Variants in ZNF618 observed in about 807,000 individuals in gnomAD.
ZNF618 encodes neural precursor cell expressed, developmentally down-regulated 10.
ZNF618 carries 34 observed loss-of-function variants against 103.0 expected under a neutral mutation model. The observed-to-expected ratio is 0.33, with a 90% CI of 0.25 to 0.44. The LOEUF is 0.44. Among genes scored for constraint, ZNF618 ranks in the 20% least tolerant of loss-of-function variants. The pLI is 1.00. For synonymous variants in ZNF618, 551 were observed against 542.2 expected (o/e 1.02, Z -0.23); for missense variants, 1,059 against 1,295.4 (o/e 0.82, Z 2.80).
In ZNF618 at chr9:114,037,086, A is replaced by C. The variant is rs559002233; in HGVS notation, c.1246+709A>C. Among the ~76,000 whole-genome samples the C allele has an allele frequency of 1.1e-4, 17 of 152,216 alleles. No individual in the cohort carries two copies. The East Asian group carries it at 2.9e-3, about 26-fold the overall frequency. On this transcript the variant is annotated intron_variant, in intron 13 of 14. Coordinates refer to ENST00000374126, the MANE Select transcript of ZNF618 (RefSeq NM_001318042.2). ...GCTCTCTAGGCAGCCTTTTTATTACATTTCACCACGGCATAACACAAGTCT... is the reference window on the plus strand; with the variant it reads ...GCTCTCTAGGCAGCCTTTTTATTACCTTTCACCACGGCATAACACAAGTCT...
chr9:114,050,940 A>G lies in ZNF618; in HGVS notation c.*773A>G, dbSNP rs1846095787. The G allele has an allele frequency of 6.5e-6, 1 of 152,680 alleles. No homozygotes were observed. 9.5% of individuals were successfully genotyped at this position (152,680 alleles called of 1,614,324 possible). ...AGAAACACACCTATCTATCTCCCCA[A>G]ATCAGGAAAGGAGACTTAAAGAGTA... On this transcript the variant is annotated 3_prime_UTR_variant, in exon 15 of 15. Coordinates refer to ENST00000374126, the MANE Select transcript of ZNF618 (RefSeq NM_001318042.2).
At chr9:114,031,257 G>A (rs1000520094) in intron 11 of ZNF618, among the ~76,000 whole-genome samples, 1 of 151,970 alleles carries the variant, frequency 6.6e-6, no homozygotes, top group South Asian at 2.1e-4. Flanking sequence ...TCCCTAGACC[G>A]AGAACAGAGG....
At chr9:113,920,405 ATTT>A (rs35271347) in intron 1 of ZNF618, among the ~76,000 whole-genome samples, 3 of 142,724 alleles carry the variant, frequency 2.1e-5, no homozygotes, top group Non-Finnish European at 4.6e-5. Context: ...CAGAGTCACA[ATTT>A]TTTTTTTTTT....
At chr9:113,910,176 C>T (rs1344095221) in intron 1 of ZNF618, among the ~76,000 whole-genome samples, 4 of 152,156 alleles carry the variant, frequency 2.6e-5, no homozygotes, top group African/African-American at 4.8e-5. Flanking sequence ...GATTTTCCAC[C>T]TCCCCACTTT....
intron 2 of ZNF618, among the ~76,000 whole-genome samples, chr9:113,982,757 A>G (rs1839089504): frequency 6.6e-6 from 1 of 152,146 alleles, no homozygotes; most frequent in Admixed American, 6.5e-5. Flanking sequence ...TTCCAGCCTC[A>G]TGGGTGCATC....
intron 1 of ZNF618, among the ~76,000 whole-genome samples, chr9:113,928,334 A>G (rs1373943981): frequency 6.6e-6 from 1 of 152,130 alleles, no homozygotes; most frequent in East Asian, 1.9e-4. Flanking sequence ...TAATTTTTCC[A>G]TTAGAACCCT....
rs181610420 is a variant in ZNF618 at position 113,968,445 on chromosome 9, G to A, written c.34-672G>A. Among the ~76,000 whole-genome samples the A allele has an allele frequency of 5.0e-3, 764 of 152,158 alleles. 7 individuals carry two copies. The highest frequency in any genetic ancestry group is 0.023 in the South Asian group (110 of 4,816). On this transcript the variant is annotated intron_variant, in intron 1 of 14. Coordinates refer to ENST00000374126, the MANE Select transcript of ZNF618 (RefSeq NM_001318042.2). ...AGTGAAGATCTAGGTATTGTTCCCA[G>A]GTCTGCAACCTCTGTCAGCCTCTGC...
Position 113,884,870 on chromosome 9 carries a change from A to G in ZNF618, c.33+8457A>G, listed in dbSNP as rs1035986632. Reference sequence around the variant, plus strand: ...AGTGACTTACCCAAGACCTCAGTGAACAAGCGGAAGTGGGACTAAAAGCCT... The same window carrying G: ...AGTGACTTACCCAAGACCTCAGTGAGCAAGCGGAAGTGGGACTAAAAGCCT... On this transcript the variant is annotated intron_variant, in intron 1 of 14. Transcript: ENST00000374126. Among the ~76,000 whole-genome samples, 3 of 152,058 alleles carry G rather than the reference A, an allele frequency of 2.0e-5. No homozygotes were observed. The South Asian group carries it at 6.2e-4, about 32-fold the overall frequency.
chr9:114,048,577 G>A, intron 14 of ZNF618, 74 bp from the exon 15 acceptor site: 1 of 1,463,764 alleles, frequency 6.8e-7, no homozygotes, highest in Non-Finnish European at 9.3e-7. Context: ...GATGTTTAGA[G>A]TGTTAGGCTA....
At chr9:113,881,598 CCACATTT>C (rs1376810377) in intron 1 of ZNF618, among the ~76,000 whole-genome samples, 1 of 152,150 alleles carries the variant, frequency 6.6e-6, no homozygotes, top group Non-Finnish European at 1.5e-5. Flanking sequence ...TTCTGACCAG[CCACATTT>C]CACCTGTTCA....
At chr9:113,908,508 T>G (rs1217658687) in intron 1 of ZNF618, among the ~76,000 whole-genome samples, 1 of 152,238 alleles carries the variant, frequency 6.6e-6, no homozygotes, top group Non-Finnish European at 1.5e-5. Flanking sequence ...CATTTTTTTT[T>G]GACCTGAAAG....
At chr9:114,010,459 C>A (rs1156492215) in intron 9 of ZNF618, among the ~76,000 whole-genome samples, 1 of 152,160 alleles carries the variant, frequency 6.6e-6, no homozygotes, top group East Asian at 1.9e-4. Flanking sequence ...GTAATCCTAG[C>A]ACTTTGGGAG....
chr9:114,017,779 G>A (rs1010607808), intron 10 of ZNF618, among the ~76,000 whole-genome samples: 6 of 152,190 alleles, frequency 3.9e-5, no homozygotes, highest in African/African-American at 1.4e-4. Context: ...TATAGTCTGG[G>A]AAGGCCCAGG....
intron 1 of ZNF618, among the ~76,000 whole-genome samples, chr9:113,938,165 G>GTTTTTTTTT (rs770850585): frequency 3.1e-5 from 3 of 95,512 alleles, no homozygotes; most frequent in Non-Finnish European, 5.9e-5. Flanking sequence ...TCAGGCTCCT[G>GTTTTTTTTT]TTTTTTTTTT....
chr9:113,885,374 A>T (rs983374462), intron 1 of ZNF618, among the ~76,000 whole-genome samples: 1 of 152,260 alleles, frequency 6.6e-6, no homozygotes, highest in Non-Finnish European at 1.5e-5. Context: ...CTCTTGACAT[A>T]CATGTTACTT....
intron 1 of ZNF618, among the ~76,000 whole-genome samples, chr9:113,920,028 C>G (rs761672174): frequency 6.6e-6 from 1 of 152,192 alleles, no homozygotes; most frequent in African/African-American, 2.4e-5. Flanking sequence ...ACCTTTGAAC[C>G]TGGGGAGCAC....
At chr9:114,023,235 A>C (rs1843218185) in intron 10 of ZNF618, among the ~76,000 whole-genome samples, 1 of 151,932 alleles carries the variant, frequency 6.6e-6, no homozygotes, top group African/African-American at 2.4e-5. Flanking sequence ...TTTAGTATTA[A>C]TCAAGTATTT....
At chr9:113,974,150 A>G (rs753996507) in intron 2 of ZNF618, among the ~76,000 whole-genome samples, 2 of 152,242 alleles carry the variant, frequency 1.3e-5, no homozygotes, top group Non-Finnish European at 2.9e-5. Flanking sequence ...CTTGTTAGAT[A>G]GTAACAAGTG....
At chr9:113,906,857 A>G (rs1409697875) in intron 1 of ZNF618, among the ~76,000 whole-genome samples, 1 of 152,194 alleles carries the variant, frequency 6.6e-6, no homozygotes, top group Non-Finnish European at 1.5e-5. Context: ...GGGTTAGCCA[A>G]TTTTAGGCAT....
Sources: gnomAD v4.1 joint callset for allele counts (sites outside exome capture counted in the v4.1 genomes callset) on GRCh38, gnomAD v4.1.1 for gene constraint, MANE v1.5 for transcripts, NCBI Gene and HGNC (gene_info 2026-07-23, HGNC 2026-07-21) for gene names.